MME: variants seen among roughly 807,000 people sequenced by gnomAD.
The protein encoded by MME is neprilysin.
In MME, 98 loss-of-function variants were observed where a neutral mutation model predicts 113.2. The ratio of observed to expected loss-of-function variants is 0.87; its 90% CI spans 0.74 to 1.02. The LOEUF is 1.02. MME is among the 50% of genes least tolerant of loss of function. The pLI, the probability that MME is intolerant of heterozygous loss-of-function variation, is 0.00. For missense variants in MME, 836 were observed against 896.0 expected, an observed-to-expected ratio of 0.93 and a Z score of 0.86; for synonymous variants, 292 against 300.6, an observed-to-expected ratio of 0.97 and a Z score of 0.30.
chr3:155,042,399 A>C (rs1171783151), intron 1 of MME, among the ~76,000 whole-genome samples: 1 of 152,188 alleles, frequency 6.6e-6, no homozygotes, highest in Non-Finnish European at 1.5e-5. Flanking sequence ...TGTCATGCCC[A>C]GTCTTTCTCC....
At chr3:155,085,035 A>T (rs750757127) in intron 2 of MME, 24 bp from the exon 3 acceptor site, 2 of 1,521,910 alleles carry the variant, frequency 1.3e-6, no homozygotes, top group Admixed American at 1.8e-5. Flanking sequence ...GCCAATATTT[A>T]TGTATATTCT....
chr3:155,102,173 T>C (rs1315313767), intron 3 of MME, among the ~76,000 whole-genome samples: 1 of 152,230 alleles, frequency 6.6e-6, no homozygotes, highest in Non-Finnish European at 1.5e-5. Flanking sequence ...AGTATCAGAA[T>C]GTTTTAAGAT....
At position 155,142,138 on chromosome 3, in the gene MME, C is replaced by A; in HGVS notation, c.1094+11C>A. On this transcript the variant is annotated intron_variant, in intron 11 of 22. Coordinates refer to ENST00000360490, the MANE Select transcript of MME (RefSeq NM_007289.4). ...CAAATATTCTGCCAGGTAGGTATGT[C>A]ACAGTCCCCATGTCCTCAAAGTTTG... is the stretch of plus-strand genomic sequence containing the variant. 6.2e-7 allele frequency: 1 copy of A among 1,613,756 alleles called. No homozygotes were observed. Among genetic ancestry groups the A allele is most frequent in the Non-Finnish European group, 8.5e-7 (1 of 1,179,748 alleles).
At chr3:155,069,205 A>C (rs925277573) in intron 1 of MME, among the ~76,000 whole-genome samples, 17 of 152,208 alleles carry the variant, frequency 1.1e-4, no homozygotes, top group African/African-American at 3.9e-4. Context: ...TCAAGGAAGA[A>C]ATTCTAGAAA....
chr3:155,172,059 G>A (rs1331805579), intron 20 of MME, 58 bp from the exon 21 acceptor site: 2 of 1,009,786 alleles, frequency 2.0e-6, no homozygotes, highest in African/African-American at 1.6e-5. Context: ...TTTTACATAG[G>A]TTTATATATA....
intron 8 of MME, among the ~76,000 whole-genome samples, chr3:155,125,301 G>A (rs189979459): frequency 0.11 from 9,278 of 85,430 alleles, 600 homozygotes; most frequent in South Asian, 0.32. Flanking sequence ...GCACCCACTG[G>A]CCTGCGCCCA....
intron 1 of MME, among the ~76,000 whole-genome samples, chr3:155,066,555 A>G (rs1714385110): frequency 6.6e-6 from 1 of 152,018 alleles, no homozygotes; most frequent in Non-Finnish European, 1.5e-5. Flanking sequence ...AAATTGAGTC[A>G]TTTGTGTATT....
At chr3:155,136,394 G>C (rs1720635259) in intron 8 of MME, among the ~76,000 whole-genome samples, 1 of 152,160 alleles carries the variant, frequency 6.6e-6, no homozygotes, top group Non-Finnish European at 1.5e-5. Flanking sequence ...CATCTATTGA[G>C]ATAGCCCAAT....
rs148699848 is a variant in MME at position 155,040,279 on chromosome 3, G to A, written c.-11+15955G>A. Among the ~76,000 whole-genome samples, 125 of 152,174 alleles carry A rather than the reference G, an allele frequency of 8.2e-4. 1 individual carries two copies. The East Asian group carries it at 0.022, about 27-fold the overall frequency. Reference sequence around the variant, plus strand: ...CAGATGGTTAGCATCATCTCTGGCCGCTACCTACTACACAACAGTAGCAAA... The same window carrying A: ...CAGATGGTTAGCATCATCTCTGGCCACTACCTACTACACAACAGTAGCAAA... On this transcript the variant is annotated intron_variant, in intron 1 of 22. Transcript: ENST00000492661.
chr3:155,062,024 A>C (rs781022757), intron 1 of MME, among the ~76,000 whole-genome samples: 1 of 152,146 alleles, frequency 6.6e-6, no homozygotes, highest in Non-Finnish European at 1.5e-5. Context: ...TGCAAATAAC[A>C]GCAGTTTTAT....
At chr3:155,058,106 A>G (rs1221870474) in intron 1 of MME, among the ~76,000 whole-genome samples, 1 of 152,184 alleles carries the variant, frequency 6.6e-6, no homozygotes, top group Non-Finnish European at 1.5e-5. Context: ...CAAACAAACA[A>G]AAACAAGACA....
At chr3:155,041,297 C>A (rs1026565157) in intron 1 of MME, among the ~76,000 whole-genome samples, 3 of 152,162 alleles carry the variant, frequency 2.0e-5, no homozygotes, top group Admixed American at 6.6e-5. Context: ...TATTTAATAT[C>A]ACTCTTGTTT....
At chr3:155,137,415 G>A (rs1281275397) in intron 8 of MME, among the ~76,000 whole-genome samples, 8 of 152,268 alleles carry the variant, frequency 5.3e-5, no homozygotes, top group African/African-American at 1.4e-4. Flanking sequence ...GTAAAGAAAT[G>A]TATTATTATG....
At chr3:155,036,561 A>G (rs1428110528) in intron 1 of MME, among the ~76,000 whole-genome samples, 3 of 152,086 alleles carry the variant, frequency 2.0e-5, no homozygotes, top group Non-Finnish European at 1.5e-5. Context: ...TTTCACTCAG[A>G]GTAATATTTT....
intron 1 of MME, among the ~76,000 whole-genome samples, chr3:155,071,817 A>T (rs929195318): frequency 6.6e-6 from 1 of 152,160 alleles, no homozygotes; most frequent in South Asian, 2.1e-4. Flanking sequence ...TACCTCAAAA[A>T]TCTCTCCAAT....
At chr3:155,170,795 CA>C (rs1456391406) in intron 20 of MME, among the ~76,000 whole-genome samples, 1 of 152,084 alleles carries the variant, frequency 6.6e-6, no homozygotes, top group African/African-American at 2.4e-5. Flanking sequence ...GGAGTACCCC[CA>C]GCTCTGACTG....
intron 16 of MME, among the ~76,000 whole-genome samples, chr3:155,152,409 A>C (rs1018496927): frequency 6.6e-6 from 1 of 152,200 alleles, no homozygotes; most frequent in Admixed American, 6.5e-5. Flanking sequence ...GAAAGCAAAA[A>C]CCAGATATTT....
In MME at chr3:155,168,535, T is replaced by G. The variant is rs922718950; in HGVS notation, c.1824T>G (p.Thr608=). The change falls in exon 19 of 23, where the codon ACT becomes ACG. Residue 608 remains threonine, a synonymous_variant. Transcript: ENST00000360490. ...NKDGDLVDWW[T]QQSASNFKEQ... ...ATGGAGACCTCGTTGACTGGTGGACTCAACAGTCTGCAAGTAACTTTAAGG... is the reference window on the plus strand; with the variant it reads ...ATGGAGACCTCGTTGACTGGTGGACGCAACAGTCTGCAAGTAACTTTAAGG... The G allele has an allele frequency of 1.2e-6, 2 of 1,612,894 alleles. No homozygotes were observed. The highest frequency in any genetic ancestry group is 2.7e-5 in the African/African-American group (2 of 74,914).
intron 3 of MME, among the ~76,000 whole-genome samples, chr3:155,087,264 T>G (rs987437401): frequency 6.9e-5 from 9 of 131,214 alleles, no homozygotes; most frequent in Non-Finnish European, 1.3e-4. Flanking sequence ...TTTTTTTTTT[T>G]GTATCGTTTT....
Sources: gnomAD v4.1 joint callset for allele counts (sites outside exome capture counted in the v4.1 genomes callset) on GRCh38, gnomAD v4.1.1 for gene constraint, MANE v1.5 for transcripts, NCBI Gene and HGNC (gene_info 2026-07-23, HGNC 2026-07-21) for gene names.